CREB5: variants seen among roughly 807,000 people sequenced by gnomAD.
CREB5 encodes the protein cAMP responsive element binding protein 5, also known as cyclic AMP-responsive element-binding protein 5.
CREB5 carries 19 observed loss-of-function variants against 57.1 expected under a neutral mutation model. That is an observed-to-expected ratio of 0.33 (90% CI 0.23 to 0.49). The LOEUF (loss-of-function observed/expected upper bound fraction) is 0.49. Ranked by LOEUF, CREB5 falls within the 20% of genes least tolerant of loss-of-function variation. CREB5 has a pLI of 0.99. For synonymous variants in CREB5, 238 were observed against 238.3 expected (o/e 1.00, Z 0.01); for missense variants, 579 against 671.6 (o/e 0.86, Z 1.52).
At chr7:28,572,493 G>A (rs1008987802) in intron 5 of CREB5, among the ~76,000 whole-genome samples, 1 of 152,156 alleles carries the variant, frequency 6.6e-6, no homozygotes, top group Non-Finnish European at 1.5e-5. Flanking sequence ...TCACAGTTAT[G>A]CCAGCTAATT....
At chr7:28,498,176 C>A (rs537060395) in intron 3 of CREB5, among the ~76,000 whole-genome samples, 1 of 152,028 alleles carries the variant, frequency 6.6e-6, no homozygotes, top group East Asian at 1.9e-4. Context: ...ATTTTGTGGC[C>A]TATCATGAAG....
Position 28,560,885 on chromosome 7 carries a change from T to TGCGCGC in CREB5, c.292-9477_292-9476insCGCGCG, listed in dbSNP as rs756357339. ...GTGTGCCTGCGTGCGCGTGCGTGCG[T>TGCGCGC]GCGTGTGTGTGCGTGCGCGCGTGCG... is the stretch of plus-strand genomic sequence containing the variant. On this transcript the variant is annotated intron_variant, in intron 4 of 10. Transcript: ENST00000357727. Among the ~76,000 whole-genome samples the TGCGCGC allele has an allele frequency of 4.2e-4, 11 of 26,476 alleles. 2 individuals are homozygous for TGCGCGC. The highest frequency in any genetic ancestry group is 7.4e-4 in the Non-Finnish European group (10 of 13,528). 17.4% of individuals were successfully genotyped at this position (26,476 alleles called of 152,430 possible).
intron 1 of CREB5, among the ~76,000 whole-genome samples, chr7:28,310,994 T>C (rs1205040580): frequency 4.6e-5 from 7 of 152,148 alleles, no homozygotes; most frequent in Non-Finnish European, 7.4e-5. Flanking sequence ...TAATCTCTTT[T>C]AAAGAATAAA....
At chr7:28,397,171 AAG>A (rs1446469914) in intron 1 of CREB5, among the ~76,000 whole-genome samples, 2 of 152,218 alleles carry the variant, frequency 1.3e-5, no homozygotes, top group Non-Finnish European at 2.9e-5. Flanking sequence ...ATTGAAAAAA[AAG>A]AAGTCCAGAG....
intron 7 of CREB5, among the ~76,000 whole-genome samples, chr7:28,787,238 C>A (rs1238327164): frequency 6.6e-6 from 1 of 152,186 alleles, no homozygotes; most frequent in East Asian, 1.9e-4. Flanking sequence ...AGAAGTGGCC[C>A]AGCCTCAAAA....
intron 7 of CREB5, among the ~76,000 whole-genome samples, chr7:28,742,223 A>C (rs893989370): frequency 1.3e-5 from 2 of 152,126 alleles, no homozygotes; most frequent in Admixed American, 1.3e-4. Flanking sequence ...TACCCACTGC[A>C]AGGGCTGAAC....
chr7:28,438,838 C>G (rs1477492343), intron 1 of CREB5, among the ~76,000 whole-genome samples: 1 of 152,182 alleles, frequency 6.6e-6, no homozygotes, highest in East Asian at 1.9e-4. Flanking sequence ...AGCATTACAA[C>G]TAATAAAATC....
chr7:28,735,332 T>C (rs867022845), intron 7 of CREB5, among the ~76,000 whole-genome samples: 38 of 152,366 alleles, frequency 2.5e-4, no homozygotes, highest in African/African-American at 9.1e-4. Flanking sequence ...TTTAAATATA[T>C]GCCTAAGTAT....
intron 5 of CREB5, among the ~76,000 whole-genome samples, chr7:28,617,179 A>G (rs1310174901): frequency 6.6e-6 from 1 of 152,266 alleles, no homozygotes; most frequent in Non-Finnish European, 1.5e-5. Context: ...GTATTTAACA[A>G]CATCCCTGGG....
At chr7:28,421,489 G>A (rs1357680718) in intron 1 of CREB5, among the ~76,000 whole-genome samples, 1 of 152,028 alleles carries the variant, frequency 6.6e-6, no homozygotes, top group Non-Finnish European at 1.5e-5. Flanking sequence ...CTGTCATAAT[G>A]GGAAGGTCAA....
chr7:28,707,615 G>T (rs1583586680), intron 5 of CREB5, among the ~76,000 whole-genome samples: 1 of 152,182 alleles, frequency 6.6e-6, no homozygotes, highest in African/African-American at 2.4e-5. Context: ...AGGTTTGCCA[G>T]TTCTTCCTCC....
At chr7:28,307,421 G>C (rs576294410) in intron 1 of CREB5, among the ~76,000 whole-genome samples, 1 of 152,334 alleles carries the variant, frequency 6.6e-6, no homozygotes, top group South Asian at 2.1e-4. Context: ...CAGCAACAAG[G>C]TGTTGTCACA....
chr7:28,518,862 C>T (rs1793086347), intron 4 of CREB5, among the ~76,000 whole-genome samples: 1 of 152,218 alleles, frequency 6.6e-6, no homozygotes, highest in African/African-American at 2.4e-5. Context: ...AAGTCAGCTC[C>T]ATTCCATCGC....
intron 4 of CREB5, among the ~76,000 whole-genome samples, chr7:28,508,996 A>C (rs1792592330): frequency 6.6e-6 from 1 of 152,232 alleles, no homozygotes; most frequent in Middle Eastern, 3.2e-3. Flanking sequence ...ATATATATTT[A>C]AAACCATAAA....
At chr7:28,642,116 C>T (rs117280061) in intron 5 of CREB5, among the ~76,000 whole-genome samples, 312 of 152,216 alleles carry the variant, frequency 2.0e-3, no homozygotes, top group Admixed American at 3.2e-3. Flanking sequence ...TTCTTTGTTG[C>T]CTTTGTTTTA....
intron 5 of CREB5, among the ~76,000 whole-genome samples, chr7:28,600,295 C>T (rs1796865197): frequency 6.6e-6 from 1 of 152,090 alleles, no homozygotes; most frequent in South Asian, 2.1e-4. Context: ...CAAAAACCAT[C>T]GACTGTCCTG....
At chr7:28,339,807 G>C (rs66532667) in intron 1 of CREB5, among the ~76,000 whole-genome samples, 23,576 of 152,134 alleles carry the variant, frequency 0.15, 2,105 homozygotes, top group East Asian at 0.33. Flanking sequence ...AAATTTACCT[G>C]GTGTTCTATT....
At chr7:28,579,786 C>A (rs899333509) in intron 5 of CREB5, among the ~76,000 whole-genome samples, 1 of 152,120 alleles carries the variant, frequency 6.6e-6, no homozygotes, top group Non-Finnish European at 1.5e-5. Flanking sequence ...ATAACTGGAA[C>A]CTGGAAGAGC....
rs370615013 is a variant in CREB5, at chr7:28,790,428, AAGAGAGAGAGAGAGAG to A, written c.703-13753_703-13738del. On this transcript the variant is annotated intron_variant, in intron 7 of 10. Transcript: ENST00000357727. ...TACATTTTAGCAGAAGAAAGAAAGA[AAGAGAGAGAGAGAGAG>A]AGAGAGAGAGAGAGAGATAGAGAGA... 7.9e-3 allele frequency among the ~76,000 whole-genome samples: 920 copies of A among 115,808 alleles called. 6 individuals carry two copies. The highest frequency in any genetic ancestry group is 0.029 in the African/African-American group (843 of 29,340). The allele number at this position is 115,808 out of a possible 152,430, so 76.0% of individuals were successfully genotyped here. A position where few individuals can be genotyped will look rare whatever the true frequency, so the allele number is the denominator to read the frequency against.
Sources: allele counts gnomAD v4.1 joint callset (sites outside exome capture counted in the v4.1 genomes callset), GRCh38; gene constraint gnomAD v4.1.1; transcripts MANE v1.5; gene names NCBI Gene and HGNC (gene_info 2026-07-23, HGNC 2026-07-21).